POLR3A: variants seen among roughly 807,000 people sequenced by gnomAD.
POLR3A encodes RNA polymerase III subunit A.
POLR3A carries 112 observed loss-of-function variants against 152.8 expected under a neutral mutation model. The observed-to-expected ratio is 0.73, with a 90% CI of 0.63 to 0.86. The LOEUF is 0.86. Among genes scored for constraint, POLR3A ranks in the 40% least tolerant of loss-of-function variants. POLR3A has a pLI of 0.00. For missense variants in POLR3A, 1,385 were observed against 1,743.1 expected (o/e 0.79, Z 3.66); for synonymous variants, 615 against 652.1 (o/e 0.94, Z 0.87).
Position 77,982,577 on chromosome 10 carries a change from A to G in POLR3A, c.3594+76T>C, listed in dbSNP as rs1847157292. 3.7e-6 allele frequency: 5 copies of G among 1,335,544 alleles called. No homozygotes were observed. The Admixed American group carries it at 8.8e-5, about 23-fold the overall frequency. 82.7% of individuals were successfully genotyped at this position (1,335,544 alleles called of 1,614,324 possible). ...ATTAAGAAATCGGACTAAGTGACAAAGCCCTTAGGTCCCAGCCCTGGGTGT... is the reference window on the plus strand; with the variant it reads ...ATTAAGAAATCGGACTAAGTGACAAGGCCCTTAGGTCCCAGCCCTGGGTGT... On this transcript the variant is annotated intron_variant, in intron 27 of 30. Coordinates refer to ENST00000372371, the MANE Select transcript of POLR3A (RefSeq NM_007055.4).
chr10:78,001,794 C>A (rs1847359883), intron 17 of POLR3A, among the ~76,000 whole-genome samples: 1 of 152,080 alleles, frequency 6.6e-6, no homozygotes, highest in Admixed American at 6.6e-5. Flanking sequence ...AGCCACCACG[C>A]CCAGCTAATT....
At chr10:78,009,403 A>G (rs1208891835) in intron 14 of POLR3A, 134 bp downstream of exon 14, 13 of 1,240,162 alleles carry the variant, frequency 1.0e-5, no homozygotes, top group Non-Finnish European at 1.5e-5. Flanking sequence ...TTTCCTGAAG[A>G]AAAAACTTTC....
intron 24 of POLR3A, 88 bp from the exon 25 acceptor site, chr10:77,984,386 G>C: frequency 1.2e-6 from 1 of 806,438 alleles, no homozygotes; most frequent in Admixed American, 1.7e-5. Flanking sequence ...GTGCTATTTA[G>C]AATCATAATG....
intron 16 of POLR3A, among the ~76,000 whole-genome samples, chr10:78,003,100 G>A (rs999593659): frequency 2.0e-5 from 3 of 152,132 alleles, no homozygotes; most frequent in Middle Eastern, 3.2e-3. Flanking sequence ...AGAATATTCC[G>A]GCTCATGAGC....
intron 1 of POLR3A, 67 bp from the exon 2 acceptor site, chr10:78,026,296 T>C: frequency 1.9e-6 from 3 of 1,544,450 alleles, no homozygotes; most frequent in Non-Finnish European, 2.7e-6. Flanking sequence ...ATTACATACA[T>C]AGCCCACCAT....
chr10:77,981,149 T>C (rs566720122), intron 29 of POLR3A, among the ~76,000 whole-genome samples: 3 of 152,240 alleles, frequency 2.0e-5, no homozygotes, highest in African/African-American at 2.4e-5. Context: ...TGCTTTAGGA[T>C]GACATTCAGG....
At chr10:77,982,073 T>C (rs1183731174) in intron 28 of POLR3A, 81 bp downstream of exon 28, 4 of 536,814 alleles carry the variant, frequency 7.5e-6, no homozygotes, top group Non-Finnish European at 3.5e-6. Flanking sequence ...AAAAGAAGTA[T>C]ACTGGGAATC....
At chr10:77,995,330 T>C (rs1373101502) in intron 19 of POLR3A, among the ~76,000 whole-genome samples, 1 of 152,194 alleles carries the variant, frequency 6.6e-6, no homozygotes, top group Non-Finnish European at 1.5e-5. Context: ...TAAATGTAAA[T>C]GGGCTAAATG....
chr10:78,015,917 A>T (rs1235820094), intron 10 of POLR3A, among the ~76,000 whole-genome samples: 1 of 152,224 alleles, frequency 6.6e-6, no homozygotes, highest in African/African-American at 2.4e-5. Context: ...TCACAATCAT[A>T]ATCCCATAAT....
Position 78,021,845 on chromosome 10 carries a change from T to C in POLR3A, c.1048+15A>G, listed in dbSNP as rs1442627701. The C allele has an allele frequency of 6.2e-7, 1 of 1,613,196 alleles. No individual in the cohort carries two copies. The highest frequency in any genetic ancestry group is 8.5e-7 in the Non-Finnish European group (1 of 1,180,024). ...GAGAGTGGGCTGGCTTCTGCACATC[T>C]TGTGGGAAACCTACCCTGTTTTCCC... On this transcript the variant is annotated intron_variant, in intron 7 of 30. Transcript: ENST00000372371.
chr10:78,023,425 A>G (rs1407014373), intron 5 of POLR3A, among the ~76,000 whole-genome samples: 1 of 151,946 alleles, frequency 6.6e-6, no homozygotes, highest in Non-Finnish European at 1.5e-5. Context: ...GTGCAACCGC[A>G]CTCCAGCCTG....
chr10:78,027,914 T>C (rs1344271414), intron 1 of POLR3A, among the ~76,000 whole-genome samples: 1 of 152,148 alleles, frequency 6.6e-6, no homozygotes, highest in Admixed American at 6.5e-5. Flanking sequence ...AGAAGCACTT[T>C]CTCTGTTTTG....
intron 1 of POLR3A, among the ~76,000 whole-genome samples, chr10:78,028,214 A>G (rs761096835): frequency 2.6e-5 from 4 of 152,228 alleles, no homozygotes; most frequent in Admixed American, 1.3e-4. Context: ...ACTGCCTACA[A>G]GATGACTTCT....
At chr10:78,024,528 G>A in intron 5 of POLR3A, 21 bp downstream of exon 5, 1 of 1,611,850 alleles carries the variant, frequency 6.2e-7, no homozygotes, top group South Asian at 1.1e-5. Context: ...GCGGAAGGCA[G>A]GCGTGCATTC....
At chr10:78,022,459 T>G in intron 5 of POLR3A, 75 bp from the exon 6 acceptor site, 1 of 1,475,610 alleles carries the variant, frequency 6.8e-7, no homozygotes, top group South Asian at 1.1e-5. Flanking sequence ...TTTCCTTCAC[T>G]ATGTTTTCTA....
intron 10 of POLR3A, among the ~76,000 whole-genome samples, chr10:78,015,830 A>G (rs141096245): frequency 5.9e-5 from 9 of 152,242 alleles, no homozygotes; most frequent in African/African-American, 2.2e-4. Context: ...AAAAAACCTA[A>G]TAATTATATT....
At chr10:77,992,574 C>G (rs1020533979) in intron 20 of POLR3A, among the ~76,000 whole-genome samples, 1 of 151,058 alleles carries the variant, frequency 6.6e-6, no homozygotes, top group Non-Finnish European at 1.5e-5. Flanking sequence ...TCCCAAGTAG[C>G]TGGGATTATA....
intron 19 of POLR3A, among the ~76,000 whole-genome samples, chr10:77,994,210 C>A (rs547077940): frequency 2.0e-5 from 3 of 152,054 alleles, no homozygotes; most frequent in Non-Finnish European, 4.4e-5. Context: ...ATGGATGACA[C>A]ACACAAAAAA....
chr10:77,981,470 G>A lies in POLR3A; in HGVS notation c.3849C>T (p.Asp1283=). The A allele has an allele frequency of 6.2e-7, 1 of 1,614,044 alleles. No individual in the cohort carries two copies. Among genetic ancestry groups the A allele is most frequent in the Non-Finnish European group, 8.5e-7 (1 of 1,179,934 alleles). ...YTMVNHGMSI[D]RRHVMLLSDL... ...CGGAGAGCAGCATCACGTGCCTCCT[G>A]TCGATGCTCATGCCGTGGTTCACCA... The change falls in exon 29 of 31, where the codon GAC becomes GAT. Residue 1283 remains aspartate, a synonymous_variant. Coordinates refer to ENST00000372371, the MANE Select transcript of POLR3A (RefSeq NM_007055.4).
Sources: allele counts gnomAD v4.1 joint callset (sites outside exome capture counted in the v4.1 genomes callset), GRCh38; gene constraint gnomAD v4.1.1; transcripts MANE v1.5; gene names NCBI Gene and HGNC (gene_info 2026-07-23, HGNC 2026-07-21).